Variants in KLHL1 observed in about 807,000 individuals in gnomAD.
The protein encoded by KLHL1 is kelch-like protein 1.
KLHL1 carries 47 observed loss-of-function variants against 77.7 expected under a neutral mutation model. The observed-to-expected ratio is 0.60, with a 90% CI of 0.48 to 0.77. KLHL1 has a LOEUF of 0.77. Ranked by LOEUF, KLHL1 falls within the 30% of genes least tolerant of loss-of-function variation. The pLI, the probability that KLHL1 is intolerant of heterozygous loss-of-function variation, is 0.00. For missense variants in KLHL1, 925 were observed against 910.8 expected (o/e 1.02, Z -0.20); for synonymous variants, 360 against 325.2 (o/e 1.11, Z -1.15).
chr13:69,743,621 A>T (rs2137934650), intron 7 of KLHL1, among the ~76,000 whole-genome samples: 1 of 152,152 alleles, frequency 6.6e-6, no homozygotes, highest in Admixed American at 6.5e-5. Flanking sequence ...TCTCGTCTCT[A>T]CTAAAAATAC....
At position 69,936,836 on chromosome 13, in the gene KLHL1, C is replaced by T. The variant is rs539792038; in HGVS notation, c.1014+3204G>A. On this transcript the variant is annotated intron_variant, in intron 4 of 10. Coordinates refer to ENST00000377844, the MANE Select transcript of KLHL1 (RefSeq NM_020866.3). ...AAGCACTCTGCAAAGACACTGCATTCCTCAAGAACCTCCAGAGGCCTCCCA... is the reference window on the plus strand; with the variant it reads ...AAGCACTCTGCAAAGACACTGCATTTCTCAAGAACCTCCAGAGGCCTCCCA... Among the ~76,000 whole-genome samples the T allele has an allele frequency of 7.2e-5, 11 of 152,208 alleles. No homozygotes were observed. The South Asian group carries it at 2.3e-3, about 32-fold the overall frequency.
At chr13:69,871,698 C>T (rs956037267) in intron 5 of KLHL1, among the ~76,000 whole-genome samples, 3 of 151,928 alleles carry the variant, frequency 2.0e-5, no homozygotes, top group Non-Finnish European at 2.9e-5. Context: ...TTCCAGAAAA[C>T]CCCAGAACAT....
At position 69,864,502 on chromosome 13, in the gene KLHL1, T is replaced by C. The variant is rs189680685; in HGVS notation, c.1227+17781A>G. ...CCAAATTGTAATAAGTTTCAGCATG[T>C]ATTGCTGTGAATTAAGTTGTGTTTC... On this transcript the variant is annotated intron_variant, in intron 5 of 10. Transcript: ENST00000377844. 2.0e-3 allele frequency among the ~76,000 whole-genome samples: 301 copies of C among 152,196 alleles called. 2 individuals are homozygous for C. Among genetic ancestry groups the C allele is most frequent in the African/African-American group, 6.8e-3 (284 of 41,580 alleles).
chr13:69,703,449 TA>T (rs200111252), intron 10 of KLHL1, among the ~76,000 whole-genome samples: 4,137 of 147,440 alleles, frequency 0.028, 73 homozygotes, highest in South Asian at 0.052. Context: ...GTTTAAAAAG[TA>T]AAAAAAAAAA....
intron 5 of KLHL1, among the ~76,000 whole-genome samples, chr13:69,855,348 A>AT (rs1358149902): frequency 0.035 from 2,452 of 69,892 alleles, 42 homozygotes; most frequent in Non-Finnish European, 0.041. Context: ...AGATAGATAG[A>AT]CAGACAGATA....
At chr13:70,074,175 T>C (rs905700683) in intron 1 of KLHL1, among the ~76,000 whole-genome samples, 1 of 152,050 alleles carries the variant, frequency 6.6e-6, no homozygotes, top group Non-Finnish European at 1.5e-5. Context: ...TTCAGCATGA[T>C]TTGAAGAATT....
chr13:69,761,050 G>T (rs904392657), intron 7 of KLHL1, among the ~76,000 whole-genome samples: 2 of 152,094 alleles, frequency 1.3e-5, no homozygotes, highest in Non-Finnish European at 2.9e-5. Context: ...CCTGGGAGTT[G>T]CCAGGAAAAG....
intron 8 of KLHL1, 128 bp downstream of exon 8, chr13:69,740,266 T>C: frequency 1.5e-6 from 1 of 683,938 alleles, no homozygotes; most frequent in Non-Finnish European, 2.3e-6. Context: ...ATTTGTCAAT[T>C]TAAAAATATC....
At chr13:70,073,568 AT>A (rs1021288823) in intron 1 of KLHL1, among the ~76,000 whole-genome samples, 14 of 150,548 alleles carry the variant, frequency 9.3e-5, no homozygotes, top group African/African-American at 3.4e-4. Flanking sequence ...AAAAAAAAAA[AT>A]GTAGGCAATA....
intron 1 of KLHL1, among the ~76,000 whole-genome samples, chr13:70,044,643 C>A (rs561708609): frequency 2.6e-5 from 4 of 151,948 alleles, no homozygotes; most frequent in Admixed American, 2.6e-4. Context: ...AAACAAATGA[C>A]CTTTGGATTA....
At chr13:69,793,074 C>T (rs1420671782) in intron 7 of KLHL1, among the ~76,000 whole-genome samples, 1 of 151,854 alleles carries the variant, frequency 6.6e-6, no homozygotes, top group Non-Finnish European at 1.5e-5. Flanking sequence ...CAGAAACAAC[C>T]CCTACCATAT....
intron 4 of KLHL1, among the ~76,000 whole-genome samples, chr13:69,886,649 T>A (rs1881230770): frequency 6.6e-6 from 1 of 152,150 alleles, no homozygotes; most frequent in African/African-American, 2.4e-5. Context: ...GATATTAACC[T>A]ATAGCAATAT....
intron 4 of KLHL1, among the ~76,000 whole-genome samples, chr13:69,936,652 T>C (rs144836927): frequency 1.3e-5 from 2 of 152,040 alleles, no homozygotes; most frequent in East Asian, 3.9e-4. Context: ...GAAGCATGTT[T>C]TGAATTTTTT....
chr13:69,964,117 C>T (rs1566451592), intron 2 of KLHL1, among the ~76,000 whole-genome samples: 2 of 152,076 alleles, frequency 1.3e-5, no homozygotes. Context: ...AATCATAGCT[C>T]ACTGGCACCT....
intron 5 of KLHL1, among the ~76,000 whole-genome samples, chr13:69,844,187 C>T (rs899373395): frequency 4.0e-5 from 6 of 150,754 alleles, no homozygotes; most frequent in Admixed American, 3.3e-4. Context: ...ATGTTCAATG[C>T]CCATAGATGT....
intron 5 of KLHL1, among the ~76,000 whole-genome samples, chr13:69,880,861 G>A: frequency 6.6e-6 from 1 of 152,184 alleles, no homozygotes; most frequent in African/African-American, 2.4e-5. Flanking sequence ...TGGGAAGAGA[G>A]TAATGACTGT....
At chr13:70,010,913 A>G (rs1048220322) in intron 1 of KLHL1, among the ~76,000 whole-genome samples, 2 of 150,714 alleles carry the variant, frequency 1.3e-5, no homozygotes, top group Non-Finnish European at 3.0e-5. Context: ...AATAATAATA[A>G]TAAAATAAAA....
chr13:70,097,744 A>C (rs1277077916), intron 1 of KLHL1, among the ~76,000 whole-genome samples: 2 of 151,906 alleles, frequency 1.3e-5, no homozygotes, highest in African/African-American at 4.8e-5. Flanking sequence ...TCTCCTTAAG[A>C]TGGAATTAGC....
At chr13:69,979,741 C>A (rs1196427228) in intron 1 of KLHL1, among the ~76,000 whole-genome samples, 1 of 152,102 alleles carries the variant, frequency 6.6e-6, no homozygotes, top group Non-Finnish European at 1.5e-5. Context: ...ACAAGAAATG[C>A]AATTTTAAAA....
Sources: allele counts gnomAD v4.1 joint callset (sites outside exome capture counted in the v4.1 genomes callset), GRCh38; gene constraint gnomAD v4.1.1; transcripts MANE v1.5; gene names NCBI Gene and HGNC (gene_info 2026-07-23, HGNC 2026-07-21).